Variants in SLIT3 observed in about 807,000 individuals in gnomAD.
SLIT3 encodes slit guidance ligand 3, also known as slit homolog 3 protein.
Under a neutral mutation model 184.0 loss-of-function variants are expected in SLIT3, and 68 were observed. The observed-to-expected ratio is 0.37, with a 90% CI of 0.30 to 0.45. The LOEUF is 0.45. Ranked by LOEUF, SLIT3 falls within the 20% of genes least tolerant of loss-of-function variation. The pLI, the probability that SLIT3 is intolerant of heterozygous loss-of-function variation, is 1.00. For missense variants in SLIT3, 1,707 were observed against 2,026.0 expected, an observed-to-expected ratio of 0.84 and a Z score of 3.02; for synonymous variants, 831 against 828.6, an observed-to-expected ratio of 1.00 and a Z score of -0.05.
intron 4 of SLIT3, among the ~76,000 whole-genome samples, chr5:168,964,680 C>T (rs763993622): frequency 4.6e-5 from 7 of 152,186 alleles, no homozygotes; most frequent in Admixed American, 3.3e-4. Context: ...TTGAATCTTT[C>T]GGCCCAAATG....
chr5:168,710,458 A>G (rs59038761), intron 25 of SLIT3, among the ~76,000 whole-genome samples: 2,828 of 152,302 alleles, frequency 0.019, 86 homozygotes, highest in African/African-American at 0.064. Context: ...GGATTAAAAA[A>G]TGCAGGTTGA....
At chr5:169,268,638 G>T (rs1347469366) in intron 1 of SLIT3, among the ~76,000 whole-genome samples, 4 of 152,216 alleles carry the variant, frequency 2.6e-5, no homozygotes, top group African/African-American at 9.6e-5. Context: ...AGCAGCTGTA[G>T]CATCAGGCCT....
intron 4 of SLIT3, among the ~76,000 whole-genome samples, chr5:169,064,893 G>C (rs1193902299): frequency 6.6e-6 from 1 of 152,180 alleles, no homozygotes; most frequent in African/African-American, 2.4e-5. Flanking sequence ...ACGGAAATAA[G>C]AGCTTCAGAG....
chr5:169,077,557 A>G (rs1423122694), intron 4 of SLIT3, among the ~76,000 whole-genome samples: 1 of 152,160 alleles, frequency 6.6e-6, no homozygotes, highest in East Asian at 1.9e-4. Context: ...AAAAAACAAA[A>G]AACAAAAAAC....
intron 9 of SLIT3, among the ~76,000 whole-genome samples, chr5:168,797,282 C>T (rs1289018466): frequency 6.6e-6 from 1 of 152,178 alleles, no homozygotes; most frequent in Non-Finnish European, 1.5e-5. Flanking sequence ...TTAGCCAAGG[C>T]AGCAGCTCCA....
At chr5:168,981,748 T>C (rs1207731674) in intron 4 of SLIT3, among the ~76,000 whole-genome samples, 1 of 152,248 alleles carries the variant, frequency 6.6e-6, no homozygotes, top group Non-Finnish European at 1.5e-5. Context: ...ATTCCTCTGA[T>C]AAATGGTTTG....
intron 8 of SLIT3, 53 bp from the exon 9 acceptor site, chr5:168,806,640 G>C: frequency 5.0e-6 from 8 of 1,605,402 alleles, no homozygotes; most frequent in Non-Finnish European, 6.8e-6. Context: ...GAGCTGCCTG[G>C]GCTTCTGTGT....
chr5:169,024,522 G>A (rs1056769475), intron 4 of SLIT3: 4 of 152,232 alleles, frequency 2.6e-5, no homozygotes, highest in African/African-American at 9.6e-5. Flanking sequence ...AGACTTTTAA[G>A]GTTGACTCGG....
chr5:168,903,644 G>T (rs754094795), intron 4 of SLIT3, among the ~76,000 whole-genome samples: 3 of 152,120 alleles, frequency 2.0e-5, no homozygotes, highest in Non-Finnish European at 4.4e-5. Flanking sequence ...TGCTGTGCAT[G>T]CATGGCTGGA....
intron 4 of SLIT3, among the ~76,000 whole-genome samples, chr5:168,962,329 CACACACATACACACACACA>C (rs1400747249): frequency 2.6e-5 from 4 of 151,500 alleles, no homozygotes; most frequent in African/African-American, 9.7e-5. Context: ...CACACACACA[CACACACATACACACACACA>C]CAGTGGTACC....
chr5:169,098,487 G>A (rs1214090002), intron 4 of SLIT3, among the ~76,000 whole-genome samples: 1 of 152,176 alleles, frequency 6.6e-6, no homozygotes, highest in Non-Finnish European at 1.5e-5. Flanking sequence ...GGGATGCACA[G>A]AGGACTCCAT....
intron 4 of SLIT3, among the ~76,000 whole-genome samples, chr5:168,982,186 T>A (rs1054158250): frequency 2.0e-5 from 3 of 152,194 alleles, no homozygotes; most frequent in African/African-American, 4.8e-5. Context: ...TCTGCTATGG[T>A]TTTTGTCCTG....
At position 168,982,268 on chromosome 5, in the gene SLIT3, T is replaced by C. The variant is rs373567332; in HGVS notation, c.414-98932A>G. ...GGGCCTTTGAGAGATGATTCATGGATTAATACATTAACAGGTTATCATAGG... is the reference window on the plus strand; with the variant it reads ...GGGCCTTTGAGAGATGATTCATGGACTAATACATTAACAGGTTATCATAGG... On this transcript the variant is annotated intron_variant, in intron 4 of 35. Coordinates refer to ENST00000519560, the MANE Select transcript of SLIT3 (RefSeq NM_003062.4). 4.6e-5 allele frequency among the ~76,000 whole-genome samples: 7 copies of C among 152,322 alleles called. 1 individual carries two copies. The highest frequency in any genetic ancestry group is 1.7e-4 in the African/African-American group (7 of 41,570).
chr5:169,097,366 GGGA>G (rs1424780217), intron 4 of SLIT3, among the ~76,000 whole-genome samples: 2 of 152,038 alleles, frequency 1.3e-5, no homozygotes, highest in African/African-American at 4.8e-5. Context: ...TAGATAAATG[GGGA>G]GGAGGAAAAG....
Position 168,662,682 on chromosome 5 carries a change from A to T in SLIT3, c.*3772T>A, listed in dbSNP as rs1760906984. On this transcript the variant is annotated 3_prime_UTR_variant, in exon 36 of 36. Coordinates refer to ENST00000519560, the MANE Select transcript of SLIT3 (RefSeq NM_003062.4). ...CACTTTACAAAGAACTTTTAAATAC[A>T]TAATCTCATCGGCCATCGTACGGCC... is the stretch of plus-strand genomic sequence containing the variant. The T allele has an allele frequency of 6.6e-6, 1 of 152,260 alleles. No homozygotes were observed. Among genetic ancestry groups the T allele is most frequent in the Admixed American group, 6.5e-5 (1 of 15,284 alleles). 9.4% of individuals were successfully genotyped at this position (152,260 alleles called of 1,614,324 possible).
At chr5:169,066,470 A>G (rs1025518380) in intron 4 of SLIT3, among the ~76,000 whole-genome samples, 1 of 152,380 alleles carries the variant, frequency 6.6e-6, no homozygotes, top group Admixed American at 6.5e-5. Context: ...AAAAAAGTGC[A>G]AATTAAATCA....
At chr5:169,090,341 G>T (rs1236494618) in intron 4 of SLIT3, among the ~76,000 whole-genome samples, 1 of 152,190 alleles carries the variant, frequency 6.6e-6, no homozygotes, top group East Asian at 1.9e-4. Context: ...TCTCATGAAT[G>T]ACTCTCCTTG....
At chr5:169,033,563 T>G (rs1294400491) in intron 4 of SLIT3, among the ~76,000 whole-genome samples, 1 of 152,200 alleles carries the variant, frequency 6.6e-6, no homozygotes, top group African/African-American at 2.4e-5. Flanking sequence ...CCAGCAACAA[T>G]GTACAAGGGT....
intron 4 of SLIT3, among the ~76,000 whole-genome samples, chr5:169,189,295 A>G (rs1384328205): frequency 6.6e-6 from 1 of 151,950 alleles, no homozygotes; most frequent in Non-Finnish European, 1.5e-5. Context: ...TCAGCTGCCC[A>G]CGGTAATTAG....
Sources: gnomAD v4.1 joint callset for allele counts (sites outside exome capture counted in the v4.1 genomes callset) on GRCh38, gnomAD v4.1.1 for gene constraint, MANE v1.5 for transcripts, NCBI Gene and HGNC (gene_info 2026-07-23, HGNC 2026-07-21) for gene names.